HSPA9: variants seen among roughly 807,000 people sequenced by gnomAD.
HSPA9 encodes stress-70 protein, mitochondrial.
A neutral mutation model predicts 81.5 loss-of-function variants in HSPA9; 28 were observed. That is an observed-to-expected ratio of 0.34 (90% CI 0.25 to 0.47). HSPA9 has a LOEUF of 0.47. HSPA9 is among the 20% of genes least tolerant of loss of function. The pLI, the probability that HSPA9 is intolerant of heterozygous loss-of-function variation, is 1.00. For missense variants in HSPA9, 678 were observed against 838.0 expected (o/e 0.81, Z 2.36); for synonymous variants, 293 against 290.4 (o/e 1.01, Z -0.09).
intron 11 of HSPA9, 188 bp from the exon 12 acceptor site, chr5:138,558,845 G>C (rs777734968): frequency 5.2e-6 from 3 of 575,412 alleles, no homozygotes; most frequent in Non-Finnish European, 9.4e-6. Context: ...GCATACAATA[G>C]CAACTGTTTC....
In HSPA9 at chr5:138,556,559, T is replaced by G; in HGVS notation, c.1855A>C (p.Arg619=). The part of the protein sequence containing the change: ...NKLKEEISKM[R]ELLARKDSET... ...CTGTCTTTTCTAGCCAGGAGCTCCC[T>G]CATTTTGGAAATCTCTTCTTTCAGC... The change falls in exon 16 of 17, where the codon AGG becomes CGG. Residue 619 remains arginine (R), a synonymous_variant. Transcript: ENST00000297185. 6.2e-7 allele frequency: 1 copy of G among 1,614,100 alleles called. No individual in the cohort carries two copies. Among genetic ancestry groups the G allele is most frequent in the African/African-American group, 1.3e-5 (1 of 75,058 alleles).
chr5:138,566,098 A>C (rs1374175757), intron 9 of HSPA9, among the ~76,000 whole-genome samples: 1 of 150,942 alleles, frequency 6.6e-6, no homozygotes, highest in Non-Finnish European at 1.5e-5. Flanking sequence ...GAGGCAGGAG[A>C]AATCACTTGA....
At chr5:138,566,942 C>G in intron 8 of HSPA9, 59 bp downstream of exon 8, 1 of 1,545,182 alleles carries the variant, frequency 6.5e-7, no homozygotes, top group Non-Finnish European at 8.9e-7. Context: ...AAAGAGCAAT[C>G]TGAACAAAGA....
intron 5 of HSPA9, 109 bp downstream of exon 5, chr5:138,568,816 A>T (rs1410341642): frequency 8.4e-7 from 1 of 1,186,714 alleles, no homozygotes; most frequent in African/African-American, 1.5e-5. Flanking sequence ...GTTTTTCTAT[A>T]CAAAAGGGAC....
At chr5:138,566,188 CAAAAAAAAAAA>C (rs1186233815) in intron 9 of HSPA9, among the ~76,000 whole-genome samples, 1 of 59,640 alleles carries the variant, frequency 1.7e-5, no homozygotes, top group Non-Finnish European at 3.1e-5. Flanking sequence ...AACTCTGTCT[CAAAAAAAAAAA>C]AAAAAAAAAA....
intron 3 of HSPA9, among the ~76,000 whole-genome samples, chr5:138,572,600 C>A (rs41295695): frequency 1.3e-5 from 2 of 152,278 alleles, no homozygotes; most frequent in East Asian, 3.9e-4. Context: ...ATTTAGAACA[C>A]CTGGAATTCT....
At position 138,574,075 on chromosome 5, in the gene HSPA9, C is replaced by T. The variant is rs777996876; in HGVS notation, c.133G>A (p.Asp45Asn). The T allele has an allele frequency of 1.4e-5, 23 of 1,613,042 alleles. 1 individual carries two copies. The South Asian group carries it at 2.4e-4, about 17-fold the overall frequency. Residue 45 changes from aspartate (D) to asparagine (N), a missense_variant, in exon 2 of 17, where the codon GAT becomes AAT. Asp to Asn is a conservative substitution (Grantham distance 23, BLOSUM62 1). This residue lies in a region of HSPA9 where 89 missense variants were observed against 70.4 expected (regional missense o/e 1.27). Transcript: ENST00000297185. ...HEAFRLVSRR[D>N]YASEAIKGAV... ...AAATGATATTATACTTACGCATAAT[C>T]CCGCCTTGAAACAAGTCTAAAAGCC... is the stretch of plus-strand genomic sequence containing the variant.
chr5:138,559,793 A>T, intron 11 of HSPA9, 71 bp downstream of exon 11: 1 of 1,019,044 alleles, frequency 9.8e-7, no homozygotes, highest in Non-Finnish European at 1.6e-6. Context: ...AAAACTCATG[A>T]AAGTGGCTGC....
intron 1 of HSPA9, chr5:138,575,004 T>C: frequency 1.7e-6 from 1 of 593,358 alleles, no homozygotes; most frequent in Middle Eastern, 4.5e-4. Context: ...CTGGTAATTT[T>C]GAAATGACAC....
At position 138,555,555 on chromosome 5, in the gene HSPA9, A is replaced by G; in HGVS notation, c.*482T>C. ...TTCTAGATTCCTCTGCCCCATCTAC[A>G]AACATGGCACAGCCAGCTTGACTTG... On this transcript the variant is annotated 3_prime_UTR_variant, in exon 17 of 17. Coordinates refer to ENST00000297185, the MANE Select transcript of HSPA9 (RefSeq NM_004134.7). 1 of 193,754 alleles carries G rather than the reference A, an allele frequency of 5.2e-6. No homozygotes were observed. The allele number at this position is 193,754 out of a possible 1,614,324, so 12.0% of individuals were successfully genotyped here. A position where few individuals can be genotyped will look rare whatever the true frequency, so the allele number is the denominator to read the frequency against.
intron 10 of HSPA9, chr5:138,561,022 G>C (rs1416011488): frequency 2.0e-6 from 1 of 488,592 alleles, no homozygotes; most frequent in East Asian, 5.6e-5. Context: ...CTACCAAGAA[G>C]AACTGCATCT....
chr5:138,569,349 T>C (rs552012642), intron 4 of HSPA9, among the ~76,000 whole-genome samples: 1 of 152,330 alleles, frequency 6.6e-6, no homozygotes, highest in South Asian at 2.1e-4. Context: ...TTAGAATAAT[T>C]TGATGAAACC....
intron 3 of HSPA9, among the ~76,000 whole-genome samples, chr5:138,571,976 T>TTTTTTTA (rs1750913232): frequency 5.5e-5 from 8 of 146,192 alleles, no homozygotes; most frequent in South Asian, 2.2e-4. Flanking sequence ...TTTTTTTTTT[T>TTTTTTTA]GAGACAGAGT....
rs1216765360 is a variant in HSPA9 at position 138,556,586 on chromosome 5, T to G, written c.1828A>C (p.Lys610Gln). 6.2e-7 allele frequency: 1 copy of G among 1,614,050 alleles called. No individual in the cohort carries two copies. The highest frequency in any genetic ancestry group is 1.7e-5 in the Admixed American group (1 of 60,030). The stretch of plus-strand genomic sequence containing the variant: ...ATTTTGGAAATCTCTTCTTTCAGCT[T>G]GTTGCACTTAAAAAAAGAAAACAAA... ...KDQLPADECN[K>Q]LKEEISKMRE... The change falls in exon 16 of 17, where the codon AAG (lysine) becomes CAG (glutamine). Residue 610 changes from lysine to glutamine, a missense_variant. Transcript: ENST00000297185.
intron 3 of HSPA9, 61 bp from the exon 4 acceptor site, chr5:138,571,202 ATGGAGT>A: frequency 6.5e-7 from 1 of 1,530,842 alleles, no homozygotes; most frequent in Non-Finnish European, 9.0e-7. Context: ...GTTTTTTGAG[ATGGAGT>A]CTCACTCTGT....
intron 3 of HSPA9, among the ~76,000 whole-genome samples, chr5:138,572,006 GAGTGC>G (rs1342563598): frequency 7.9e-6 from 1 of 127,054 alleles, no homozygotes; most frequent in Non-Finnish European, 1.6e-5. Flanking sequence ...ACCTAGGCTG[GAGTGC>G]AGTGGCACTG....
chr5:138,575,213 A>G, intron 1 of HSPA9, 25 bp downstream of exon 1: 1 of 1,561,716 alleles, frequency 6.4e-7, no homozygotes, highest in Non-Finnish European at 8.7e-7. Context: ...CCGTGACCCC[A>G]TTCGGGAAGG....
At chr5:138,566,088 G>A (rs1303501399) in intron 9 of HSPA9, among the ~76,000 whole-genome samples, 2 of 150,884 alleles carry the variant, frequency 1.3e-5, no homozygotes, top group African/African-American at 2.4e-5. Flanking sequence ...TTGGGAGGTC[G>A]AGGCAGGAGA....
intron 3 of HSPA9, among the ~76,000 whole-genome samples, chr5:138,572,111 T>C (rs1750917326): frequency 6.6e-6 from 1 of 151,970 alleles, no homozygotes; most frequent in African/African-American, 2.4e-5. Context: ...GGCACACCAC[T>C]ATGCCCGGCT....
Sources: gnomAD v4.1 joint callset for allele counts (sites outside exome capture counted in the v4.1 genomes callset) on GRCh38, gnomAD v4.1.1 for gene constraint, gnomAD v4.1.1 regional missense constraint, MANE v1.5 for transcripts, NCBI Gene and HGNC (gene_info 2026-07-23, HGNC 2026-07-21) for gene names.